The following SHISA6 variants were observed in gnomAD, a reference collection of about 807,000 sequenced individuals.
SHISA6 encodes the protein shisa family member 6, also known as protein shisa-6.
A neutral mutation model predicts 47.9 loss-of-function variants in SHISA6; 22 were observed. The observed-to-expected ratio is 0.46, with a 90% CI of 0.33 to 0.66. The LOEUF (loss-of-function observed/expected upper bound fraction) is 0.66. SHISA6 is among the 30% of genes least tolerant of loss of function. SHISA6 has a pLI of 0.02. For synonymous variants in SHISA6, 388 were observed against 337.8 expected (o/e 1.15, Z -1.63); for missense variants, 680 against 764.6 (o/e 0.89, Z 1.30).
intron 1 of SHISA6, among the ~76,000 whole-genome samples, chr17:11,247,779 T>C (rs949788552): frequency 6.6e-6 from 1 of 150,754 alleles, no homozygotes. Flanking sequence ...GTCTTTCTTT[T>C]TTTTTTTTTT....
At chr17:11,270,820 G>T (rs1461368798) in intron 2 of SHISA6, among the ~76,000 whole-genome samples, 1 of 152,170 alleles carries the variant, frequency 6.6e-6, no homozygotes, top group African/African-American at 2.4e-5. Context: ...CTAGAGACAC[G>T]TCCTTCTCTG....
chr17:11,508,745 T>C lies in SHISA6; in HGVS notation c.896-43151T>C, dbSNP rs539050512. ...TCCTTTTATTCATCTAGCAAATATT[T>C]ATGAAGTTAGTGACTCTGTACCATG... On this transcript the variant is annotated intron_variant, in intron 3 of 5. Coordinates refer to ENST00000441885, the MANE Select transcript of SHISA6 (RefSeq NM_207386.4). Among the ~76,000 whole-genome samples, 2 of 138,782 alleles carry C rather than the reference T, an allele frequency of 1.4e-5. 1 individual carries two copies. The highest frequency in any genetic ancestry group is 5.0e-4 in the South Asian group (2 of 3,984). The allele number at this position is 138,782 out of a possible 152,430, so 91.0% of individuals were successfully genotyped here.
chr17:11,304,788 G>A (rs889863283), intron 2 of SHISA6, among the ~76,000 whole-genome samples: 1 of 150,916 alleles, frequency 6.6e-6, no homozygotes, highest in Non-Finnish European at 1.5e-5. Flanking sequence ...AGACTTGCCA[G>A]AACTGTTCCC....
At chr17:11,308,296 G>A in intron 2 of SHISA6, among the ~76,000 whole-genome samples, 1 of 152,210 alleles carries the variant, frequency 6.6e-6, no homozygotes, top group East Asian at 1.9e-4. Context: ...CACAGCTAAA[G>A]AAGCAAACTG....
chr17:11,373,469 G>C (rs898169791), intron 2 of SHISA6, among the ~76,000 whole-genome samples: 12 of 152,050 alleles, frequency 7.9e-5, no homozygotes, highest in Non-Finnish European at 1.5e-4. Context: ...AAACAGAGAA[G>C]TACCTTTTAT....
At chr17:11,245,747 G>A (rs796619916) in intron 1 of SHISA6, among the ~76,000 whole-genome samples, 24 of 138,478 alleles carry the variant, frequency 1.7e-4, no homozygotes, top group Admixed American at 1.6e-3. Context: ...ATGTGGGCAG[G>A]GTGGGGGGGG....
At chr17:11,254,646 A>G (rs905597450) in intron 1 of SHISA6, among the ~76,000 whole-genome samples, 2 of 152,182 alleles carry the variant, frequency 1.3e-5, no homozygotes, top group African/African-American at 2.4e-5. Flanking sequence ...CAGTTGGTCT[A>G]TTGTTAGGAT....
At chr17:11,452,317 T>C (rs1053364781) in intron 3 of SHISA6, among the ~76,000 whole-genome samples, 1 of 152,226 alleles carries the variant, frequency 6.6e-6, no homozygotes, top group Non-Finnish European at 1.5e-5. Context: ...TCTGGCATTT[T>C]CAGGAAACCT....
intron 3 of SHISA6, among the ~76,000 whole-genome samples, chr17:11,386,429 G>A (rs1913196517): frequency 6.6e-6 from 1 of 152,088 alleles, no homozygotes; most frequent in Non-Finnish European, 1.5e-5. Context: ...TAAGAGAATG[G>A]GAGAAGACAA....
intron 3 of SHISA6, among the ~76,000 whole-genome samples, chr17:11,521,508 G>A (rs1019567803): frequency 6.6e-6 from 1 of 152,172 alleles, no homozygotes; most frequent in South Asian, 2.1e-4. Context: ...CTGAAGGCAG[G>A]CGCAGTGGTT....
At chr17:11,336,609 G>T (rs180721886) in intron 2 of SHISA6, among the ~76,000 whole-genome samples, 216 of 152,282 alleles carry the variant, frequency 1.4e-3, no homozygotes, top group Non-Finnish European at 2.0e-3. Flanking sequence ...CAGATGAGGA[G>T]GGGGCAGGGA....
chr17:11,291,130 A>G (rs1440322804), intron 2 of SHISA6, among the ~76,000 whole-genome samples: 2 of 152,088 alleles, frequency 1.3e-5, no homozygotes, highest in African/African-American at 4.8e-5. Context: ...TTCGAGGGGT[A>G]GTGAGCAGAT....
intron 3 of SHISA6, among the ~76,000 whole-genome samples, chr17:11,493,908 C>T (rs2142340614): frequency 8.3e-6 from 1 of 120,240 alleles, no homozygotes; most frequent in African/African-American, 2.8e-5. Flanking sequence ...TTCTGTTCTC[C>T]CTTCTATTTT....
chr17:11,493,149 C>G (rs1031811977), intron 3 of SHISA6, among the ~76,000 whole-genome samples: 5 of 152,216 alleles, frequency 3.3e-5, no homozygotes, highest in African/African-American at 1.2e-4. Context: ...ATTTATATAG[C>G]AGGACCACCT....
intron 2 of SHISA6, among the ~76,000 whole-genome samples, chr17:11,353,051 C>A (rs1911943949): frequency 6.6e-6 from 1 of 152,166 alleles, no homozygotes; most frequent in Non-Finnish European, 1.5e-5. Flanking sequence ...TGGCAGCCCC[C>A]AACCTCCATT....
At chr17:11,429,706 G>A (rs1227171775) in intron 3 of SHISA6, among the ~76,000 whole-genome samples, 3 of 151,642 alleles carry the variant, frequency 2.0e-5, no homozygotes, top group East Asian at 1.9e-4. Context: ...AAGGAGAATC[G>A]CTTGAACCTG....
At chr17:11,277,313 C>T (rs1190952747) in intron 2 of SHISA6, among the ~76,000 whole-genome samples, 1 of 150,370 alleles carries the variant, frequency 6.7e-6, no homozygotes, top group East Asian at 2.0e-4. Context: ...CACACACACA[C>T]ACACACCCCG....
intron 3 of SHISA6, among the ~76,000 whole-genome samples, chr17:11,419,880 A>AC (rs1219020406): frequency 6.6e-6 from 1 of 152,100 alleles, no homozygotes; most frequent in Non-Finnish European, 1.5e-5. Flanking sequence ...TCTCATCTGA[A>AC]CCCAGCCATG....
chr17:11,481,963 C>T (rs1163647540), intron 3 of SHISA6, among the ~76,000 whole-genome samples: 1 of 152,114 alleles, frequency 6.6e-6, no homozygotes, highest in Admixed American at 6.5e-5. Flanking sequence ...GCTGGAGATG[C>T]TCTCCAGATG....
Sources: gnomAD v4.1 joint callset for allele counts (sites outside exome capture counted in the v4.1 genomes callset) on GRCh38, gnomAD v4.1.1 for gene constraint, MANE v1.5 for transcripts, NCBI Gene and HGNC (gene_info 2026-07-23, HGNC 2026-07-21) for gene names.